ATP8B4: variants seen among roughly 807,000 people sequenced by gnomAD.
ATP8B4 encodes the protein probable phospholipid-transporting ATPase IM.
ATP8B4 carries 133 observed loss-of-function variants against 145.6 expected under a neutral mutation model. The observed-to-expected ratio is 0.91, with a 90% CI of 0.79 to 1.05. ATP8B4 has a LOEUF of 1.05. Ranked by LOEUF, ATP8B4 falls within the 50% of genes least tolerant of loss-of-function variation. ATP8B4 has a pLI of 0.00. For missense variants in ATP8B4, 1,458 were observed against 1,425.2 expected (o/e 1.02, Z -0.37); for synonymous variants, 507 against 492.9 (o/e 1.03, Z -0.38).
At chr15:49,887,865 C>T (rs540294581) in intron 23 of ATP8B4, among the ~76,000 whole-genome samples, 4 of 152,310 alleles carry the variant, frequency 2.6e-5, no homozygotes, top group South Asian at 2.1e-4. Flanking sequence ...TAGAATGACA[C>T]ATTTAAATAA....
chr15:49,902,928 T>A (rs2038200736), intron 20 of ATP8B4, among the ~76,000 whole-genome samples: 1 of 152,218 alleles, frequency 6.6e-6, no homozygotes, highest in African/African-American at 2.4e-5. Flanking sequence ...CAATCTGTTT[T>A]CCCCTTAGAG....
intron 23 of ATP8B4, chr15:49,895,035 C>T (rs1441002257): frequency 2.0e-5 from 3 of 152,348 alleles, no homozygotes; most frequent in East Asian, 3.9e-4. Context: ...GAACAGACAT[C>T]CCTTTTCCAC....
chr15:50,134,612 A>C (rs1032603511), intron 1 of ATP8B4, among the ~76,000 whole-genome samples: 25 of 152,248 alleles, frequency 1.6e-4, no homozygotes, highest in African/African-American at 6.0e-4. Flanking sequence ...AACATATGTT[A>C]GGGTTAGATT....
At chr15:49,909,847 T>C (rs2039048327) in intron 20 of ATP8B4, among the ~76,000 whole-genome samples, 1 of 150,752 alleles carries the variant, frequency 6.6e-6, no homozygotes, top group African/African-American at 2.4e-5. Context: ...ATTGAGGAAG[T>C]CCTCTCCTAT....
chr15:50,026,759 C>T (rs753212960), intron 6 of ATP8B4, among the ~76,000 whole-genome samples: 1 of 152,126 alleles, frequency 6.6e-6, no homozygotes, highest in Non-Finnish European at 1.5e-5. Context: ...TGGACTTTTC[C>T]CAATGCCTTC....
intron 23 of ATP8B4, among the ~76,000 whole-genome samples, chr15:49,891,114 C>T (rs1475428896): frequency 6.6e-6 from 1 of 152,050 alleles, no homozygotes; most frequent in Admixed American, 6.6e-5. Flanking sequence ...ACTCCAAAGT[C>T]TCATACCCTT....
chr15:50,162,417 C>A (rs1341475892), intron 1 of ATP8B4, among the ~76,000 whole-genome samples: 2 of 152,040 alleles, frequency 1.3e-5, no homozygotes, highest in Non-Finnish European at 2.9e-5. Context: ...CATTCCAGTA[C>A]AATCTCTCTA....
chr15:50,038,983 A>G (rs2051056324), intron 5 of ATP8B4, among the ~76,000 whole-genome samples, 154 bp from the exon 6 acceptor site: 1 of 152,192 alleles, frequency 6.6e-6, no homozygotes, highest in East Asian at 1.9e-4. Flanking sequence ...CCAGCTCTAC[A>G]TGTTCTAAAT....
intron 20 of ATP8B4, among the ~76,000 whole-genome samples, chr15:49,909,642 A>G (rs539493715): frequency 2.0e-4 from 31 of 151,760 alleles, no homozygotes; most frequent in Admixed American, 1.8e-3. Context: ...CCCATGCCCA[A>G]TAAAACTTCA....
chr15:49,978,006 T>G (rs1049104224), intron 12 of ATP8B4, among the ~76,000 whole-genome samples: 4 of 152,108 alleles, frequency 2.6e-5, no homozygotes, highest in African/African-American at 9.7e-5. Context: ...TTCTGTCAAT[T>G]GTACCATGGC....
rs117150542 is a variant in ATP8B4, at chr15:49,879,838, T to G, written c.2698-379A>C. ...AATGAGTCCAATTATCTGATCCAAG[T>G]GGTAAACAAAGGATTCACTAAAATC... On this transcript the variant is annotated intron_variant, in intron 23 of 27. Transcript: ENST00000284509. 4.8e-3 allele frequency: 757 copies of G among 159,294 alleles called. 3 individuals are homozygous for G. Among genetic ancestry groups the G allele is most frequent in the Non-Finnish European group, 7.7e-3 (560 of 73,068 alleles). 9.9% of individuals were successfully genotyped at this position (159,294 alleles called of 1,614,324 possible).
chr15:50,098,926 T>C (rs547744639), intron 2 of ATP8B4, among the ~76,000 whole-genome samples: 7 of 152,208 alleles, frequency 4.6e-5, no homozygotes, highest in South Asian at 2.1e-4. Flanking sequence ...GAATCTAACC[T>C]GGATTATATT....
rs1379703109 is a variant in ATP8B4, at chr15:50,106,870, T to C, written c.28+69A>G. On this transcript the variant is annotated intron_variant, in intron 2 of 27. Transcript: ENST00000284509. ...TGTGCTTTTTATATATAAATTAAAC[T>C]TCCATGAAAAAATTAAAATTATATT... 6 of 1,467,668 alleles carry C rather than the reference T, an allele frequency of 4.1e-6. No individual in the cohort carries two copies. In the African/African-American group the frequency reaches 4.4e-5, roughly 11 times the overall value. 90.9% of individuals were successfully genotyped at this position (1,467,668 alleles called of 1,614,324 possible).
At chr15:50,106,062 T>A (rs936984790) in intron 2 of ATP8B4, among the ~76,000 whole-genome samples, 3 of 152,198 alleles carry the variant, frequency 2.0e-5, no homozygotes, top group African/African-American at 7.2e-5. Flanking sequence ...ATTATGAGAC[T>A]AAATGTTGCA....
At chr15:49,994,565 ATAAT>A (rs987167859) in intron 9 of ATP8B4, among the ~76,000 whole-genome samples, 2 of 152,194 alleles carry the variant, frequency 1.3e-5, no homozygotes, top group South Asian at 4.1e-4. Flanking sequence ...TGGACAATAA[ATAAT>A]TAACTTAAAA....
intron 1 of ATP8B4, among the ~76,000 whole-genome samples, chr15:50,113,033 G>A (rs2057025390): frequency 6.6e-6 from 1 of 152,124 alleles, no homozygotes. Flanking sequence ...GAAGGAACAA[G>A]CCCTTCTCTC....
intron 25 of ATP8B4, among the ~76,000 whole-genome samples, chr15:49,867,144 G>T (rs1187690741): frequency 1.3e-5 from 2 of 152,250 alleles, no homozygotes; most frequent in East Asian, 3.9e-4. Flanking sequence ...GAGAATCAAG[G>T]ACACCACTGG....
Position 49,903,605 on chromosome 15 carries a change from C to G in ATP8B4, c.2142-2366G>C, listed in dbSNP as rs780861030. 4.4e-4 allele frequency among the ~76,000 whole-genome samples: 67 copies of G among 152,222 alleles called. 1 individual carries two copies. Among genetic ancestry groups the G allele is most frequent in the Non-Finnish European group, 8.4e-4 (57 of 67,996 alleles). ...CTCTATATTGAAAGGTTAAATTGAT[C>G]TGTTGTGGCCAGGCACAGTGGTTCA... is the stretch of plus-strand genomic sequence containing the variant. On this transcript the variant is annotated intron_variant, in intron 20 of 27. Transcript: ENST00000284509.
At chr15:50,020,108 C>A (rs1247447218) in intron 6 of ATP8B4, among the ~76,000 whole-genome samples, 1 of 152,044 alleles carries the variant, frequency 6.6e-6, no homozygotes, top group African/African-American at 2.4e-5. Flanking sequence ...GTGCACACCA[C>A]CATGCCTGGC....
Sources: allele counts gnomAD v4.1 joint callset (sites outside exome capture counted in the v4.1 genomes callset), GRCh38; gene constraint gnomAD v4.1.1; transcripts MANE v1.5; gene names NCBI Gene and HGNC (gene_info 2026-07-23, HGNC 2026-07-21).